RORB: variants seen among roughly 807,000 people sequenced by gnomAD.
RORB encodes RAR related orphan receptor B.
Under a neutral mutation model 59.1 loss-of-function variants are expected in RORB, and 6 were observed. That is an observed-to-expected ratio of 0.10 (90% CI 0.06 to 0.20). The LOEUF (loss-of-function observed/expected upper bound fraction) is 0.20. Among genes scored for constraint, RORB ranks in the 10% least tolerant of loss-of-function variants. RORB has a pLI of 1.00. For missense variants in RORB, 320 were observed against 560.5 expected (o/e 0.57, Z 4.33); for synonymous variants, 215 against 204.5 (o/e 1.05, Z -0.44).
chr9:74,650,166 A>G (rs1823968429), intron 4 of RORB, among the ~76,000 whole-genome samples: 1 of 152,208 alleles, frequency 6.6e-6, no homozygotes, highest in Non-Finnish European at 1.5e-5. Context: ...GAATGTTTCT[A>G]CTTATGAAGT....
At chr9:74,595,329 A>G (rs1279904884) in intron 1 of RORB, among the ~76,000 whole-genome samples, 1 of 152,240 alleles carries the variant, frequency 6.6e-6, no homozygotes, top group African/African-American at 2.4e-5. Context: ...AAGTAAGCAG[A>G]GCTTAAGTAA....
At chr9:74,516,971 G>A (rs571825056) in intron 1 of RORB, among the ~76,000 whole-genome samples, 136 of 151,928 alleles carry the variant, frequency 9.0e-4, no homozygotes, top group Non-Finnish European at 1.6e-3. Flanking sequence ...GTTCTTTCAG[G>A]GGAGTGTTTT....
At chr9:74,670,157 A>G (rs769207695) in intron 8 of RORB, among the ~76,000 whole-genome samples, 8 of 152,044 alleles carry the variant, frequency 5.3e-5, no homozygotes, top group Non-Finnish European at 1.0e-4. Context: ...TTTCTCTGTT[A>G]GCAGCCACAT....
intron 5 of RORB, among the ~76,000 whole-genome samples, chr9:74,660,981 C>T (rs1373103365): frequency 6.6e-6 from 1 of 152,188 alleles, no homozygotes; most frequent in Non-Finnish European, 1.5e-5. Context: ...CAAAACTACC[C>T]TGATTGAAAA....
intron 1 of RORB, among the ~76,000 whole-genome samples, chr9:74,524,761 G>C (rs920187252): frequency 2.0e-5 from 3 of 151,540 alleles, no homozygotes; most frequent in Admixed American, 6.6e-5. Flanking sequence ...CTTTTTTTAT[G>C]TTCAACAATG....
intron 1 of RORB, among the ~76,000 whole-genome samples, chr9:74,550,998 A>T (rs1685267684): frequency 6.6e-6 from 1 of 152,220 alleles, no homozygotes; most frequent in Admixed American, 6.5e-5. Context: ...TACATTTTAA[A>T]ATTTTATCTA....
At chr9:74,524,973 A>G (rs1241796855) in intron 1 of RORB, among the ~76,000 whole-genome samples, 2 of 151,884 alleles carry the variant, frequency 1.3e-5, no homozygotes, top group African/African-American at 2.4e-5. Context: ...CTGCCATAAC[A>G]CAAAGCTAAG....
chr9:74,517,491 C>G (rs181952467), intron 1 of RORB, among the ~76,000 whole-genome samples: 1 of 151,940 alleles, frequency 6.6e-6, no homozygotes, highest in Admixed American at 6.6e-5. Flanking sequence ...TCAGGCAGAA[C>G]CTATTTCTGA....
At chr9:74,612,870 T>C (rs905364352) in intron 1 of RORB, among the ~76,000 whole-genome samples, 19 of 152,200 alleles carry the variant, frequency 1.2e-4, no homozygotes, top group African/African-American at 4.6e-4. Context: ...AAGAAGTTCT[T>C]AAATGGTTTT....
At position 74,596,620 on chromosome 9, in the gene RORB, C is replaced by A. The variant is rs540553311; in HGVS notation, c.8-33662C>A. On this transcript the variant is annotated intron_variant, in intron 1 of 9. Coordinates refer to ENST00000376896, the MANE Select transcript of RORB (RefSeq NM_006914.4). ...TTTTTTCTCCATTCTAAGAGAGTATCCCTGGAGAAGACAGCTGTTGCCTCA... is the reference window on the plus strand; with the variant it reads ...TTTTTTCTCCATTCTAAGAGAGTATACCTGGAGAAGACAGCTGTTGCCTCA... Among the ~76,000 whole-genome samples the A allele has an allele frequency of 5.8e-4, 88 of 152,092 alleles. 1 individual carries two copies. Among genetic ancestry groups the A allele is most frequent in the Non-Finnish European group, 1.3e-4 (9 of 68,034 alleles).
intron 1 of RORB, among the ~76,000 whole-genome samples, chr9:74,543,378 A>G (rs1009116728): frequency 1.3e-5 from 2 of 152,218 alleles, no homozygotes; most frequent in African/African-American, 4.8e-5. Flanking sequence ...CGTCCAACTC[A>G]TGTATTGTGG....
chr9:74,590,714 C>T (rs980774124), intron 1 of RORB, among the ~76,000 whole-genome samples: 5 of 152,206 alleles, frequency 3.3e-5, no homozygotes, highest in South Asian at 4.1e-4. Context: ...AGACATACAT[C>T]GTTGCCCTTT....
intron 1 of RORB, among the ~76,000 whole-genome samples, chr9:74,594,511 TTGA>T (rs1363296219): frequency 1.3e-5 from 2 of 152,230 alleles, no homozygotes; most frequent in Non-Finnish European, 2.9e-5. Flanking sequence ...AGTATATATG[TTGA>T]TGTAGTATAC....
intron 1 of RORB, among the ~76,000 whole-genome samples, chr9:74,518,177 A>G (rs532876702): frequency 6.6e-6 from 1 of 152,106 alleles, no homozygotes; most frequent in South Asian, 2.1e-4. Context: ...TAGTCAAGCC[A>G]ACGCTAAGTG....
intron 3 of RORB, among the ~76,000 whole-genome samples, chr9:74,638,667 C>T (rs1308191998): frequency 6.6e-6 from 1 of 152,128 alleles, no homozygotes; most frequent in East Asian, 1.9e-4. Flanking sequence ...TCTATGCATA[C>T]AACAAATGTA....
intron 9 of RORB, among the ~76,000 whole-genome samples, chr9:74,680,051 C>T (rs146305079): frequency 1.0e-3 from 157 of 152,038 alleles, no homozygotes; most frequent in African/African-American, 3.5e-3. Context: ...TGCAGTGAGC[C>T]GAAATCATAC....
intron 1 of RORB, among the ~76,000 whole-genome samples, chr9:74,591,972 G>C (rs1012615003): frequency 1.3e-5 from 2 of 152,120 alleles, no homozygotes; most frequent in Non-Finnish European, 2.9e-5. Flanking sequence ...GAGAGAGAGA[G>C]AGAGGATGAT....
At position 74,689,519 on chromosome 9, in the gene RORB, A is replaced by G. The variant is rs1824703657; in HGVS notation, c.*3901A>G. On this transcript the variant is annotated 3_prime_UTR_variant, in exon 10 of 10. Transcript: ENST00000376896. Reference sequence around the variant, plus strand: ...CACTGTGTTCAGGGCTCTGGACTAAAGTACCTCTGAGTAGGTAAAATCAGA... The same window carrying G: ...CACTGTGTTCAGGGCTCTGGACTAAGGTACCTCTGAGTAGGTAAAATCAGA... The G allele has an allele frequency of 6.6e-6, 1 of 152,228 alleles. No individual in the cohort carries two copies. Among genetic ancestry groups the G allele is most frequent in the Non-Finnish European group, 1.5e-5 (1 of 68,038 alleles). The allele number at this position is 152,228 out of a possible 1,614,324, so 9.4% of individuals were successfully genotyped here. A position where few individuals can be genotyped will look rare whatever the true frequency, so the allele number is the denominator to read the frequency against.
intron 1 of RORB, among the ~76,000 whole-genome samples, chr9:74,605,594 C>A (rs1587381536): frequency 6.6e-6 from 1 of 152,152 alleles, no homozygotes; most frequent in Admixed American, 6.6e-5. Flanking sequence ...GATCACCTAG[C>A]CCTACTGAAA....
Sources: allele counts gnomAD v4.1 joint callset (sites outside exome capture counted in the v4.1 genomes callset), GRCh38; gene constraint gnomAD v4.1.1; transcripts MANE v1.5; gene names NCBI Gene and HGNC (gene_info 2026-07-23, HGNC 2026-07-21).